The following PRDM15 variants were observed in gnomAD, a reference collection of about 807,000 sequenced individuals.
The protein encoded by PRDM15 is PR/SET domain 15.
Under a neutral mutation model 128.6 loss-of-function variants are expected in PRDM15, and 64 were observed. The ratio of observed to expected loss-of-function variants is 0.50; its 90% confidence interval spans 0.41 to 0.61. The LOEUF is 0.61. Ranked by LOEUF, PRDM15 falls within the 20% of genes least tolerant of loss-of-function variation. The pLI is 0.00. For synonymous variants in PRDM15, 615 were observed against 621.8 expected, an observed-to-expected ratio of 0.99 and a Z score of 0.16; for missense variants, 1,242 against 1,569.1, an observed-to-expected ratio of 0.79 and a Z score of 3.52.
At chr21:41,835,777 G>A (rs577782982) in intron 10 of PRDM15, among the ~76,000 whole-genome samples, 13 of 112,970 alleles carry the variant, frequency 1.2e-4, no homozygotes, top group Non-Finnish European at 1.5e-4. Flanking sequence ...TTCCTGCTGC[G>A]CTTGTGGGCA....
At chr21:41,804,211 G>C (rs191095549) in intron 22 of PRDM15, among the ~76,000 whole-genome samples, 1 of 152,154 alleles carries the variant, frequency 6.6e-6, no homozygotes, top group African/African-American at 2.4e-5. Flanking sequence ...TGATCTGCCC[G>C]CCTTGGCCTC....
chr21:41,813,846 T>C (rs1311846672), intron 19 of PRDM15: 1 of 149,954 alleles, frequency 6.7e-6, no homozygotes, highest in African/African-American at 2.5e-5. Flanking sequence ...ACGCCTTGTG[T>C]TAGTGATTGT....
At chr21:41,857,938 G>A (rs2063687608) in intron 3 of PRDM15, among the ~76,000 whole-genome samples, 1 of 152,210 alleles carries the variant, frequency 6.6e-6, no homozygotes, top group Non-Finnish European at 1.5e-5. Context: ...TGGCGGGGCT[G>A]TGCACTGAAG....
intron 6 of PRDM15, among the ~76,000 whole-genome samples, chr21:41,843,293 T>C (rs1248907616): frequency 6.6e-6 from 1 of 152,206 alleles, no homozygotes; most frequent in African/African-American, 2.4e-5. Flanking sequence ...TAATGCTCGA[T>C]TTCTTTTCCT....
intron 17 of PRDM15, 70 bp from the exon 18 acceptor site, chr21:41,819,771 C>T: frequency 2.0e-6 from 3 of 1,533,486 alleles, no homozygotes; most frequent in Non-Finnish European, 1.7e-6. Context: ...AGAGGATGCA[C>T]CAAGGAGAGG....
rs775854238 is a variant in PRDM15 at position 41,860,228 on chromosome 21, T to C, written c.37+99A>G. The C allele has an allele frequency of 5.1e-5, 43 of 846,002 alleles. No individual in the cohort carries two copies. In the Admixed American group the frequency reaches 5.2e-4, roughly 10 times the overall value. The allele number at this position is 846,002 out of a possible 1,614,324, so 52.4% of individuals were successfully genotyped here. On this transcript the variant is annotated intron_variant, in intron 2 of 23. Coordinates refer to ENST00000398548, the MANE Select transcript of PRDM15 (RefSeq NM_001040424.3). ...GCTTTTCTATATTATAAAAACCAAA[T>C]GTAGACGTGGCTTTGCCCAGACAGC...
In PRDM15 at chr21:41,832,576, T is replaced by C. The variant is rs113852680; in HGVS notation, c.1366+2861A>G. On this transcript the variant is annotated intron_variant, in intron 11 of 23. Transcript: ENST00000398548. This position sits in a 1 kb window ranked among gnomAD's most constrained non-coding sequence, Gnocchi z 4.2. ...CACACTCCCCTCAACCTGGGCCTCCTGAACAGCATAGGTGAGCCTCCCTCC... is the reference window on the plus strand; with the variant it reads ...CACACTCCCCTCAACCTGGGCCTCCCGAACAGCATAGGTGAGCCTCCCTCC... Among the ~76,000 whole-genome samples the C allele has an allele frequency of 0.068, 10,416 of 152,200 alleles. 452 individuals are homozygous for C. The highest frequency in any genetic ancestry group is 0.12 in the Middle Eastern group (35 of 294).
intron 1 of PRDM15, among the ~76,000 whole-genome samples, chr21:41,867,587 C>T (rs1023842371): frequency 6.6e-6 from 1 of 152,152 alleles, no homozygotes; most frequent in African/African-American, 2.4e-5. Context: ...GGAGTACAGC[C>T]GTTGTGCCCA....
Position 41,860,316 on chromosome 21 carries a change from G to C in PRDM15, c.37+11C>G. 6.2e-7 allele frequency: 1 copy of C among 1,612,268 alleles called. No individual in the cohort carries two copies. The highest frequency in any genetic ancestry group is 1.1e-5 in the South Asian group (1 of 91,030). ...GGTCTCGGACCTGGGACAGGTCCCT[G>C]GGTCACTTACAGATGAACATGATCT... is the stretch of plus-strand genomic sequence containing the variant. On this transcript the variant is annotated intron_variant, in intron 2 of 23. Transcript: ENST00000398548.
intron 1 of PRDM15, among the ~76,000 whole-genome samples, chr21:41,861,366 C>T (rs992514035): frequency 1.4e-4 from 21 of 152,160 alleles, no homozygotes; most frequent in Admixed American, 1.1e-3. Flanking sequence ...CATAAACTGA[C>T]ACCCCCCACA....
rs192497038 is a variant in PRDM15 at position 41,805,033 on chromosome 21, G to A, written c.2653-419C>T. 2.6e-5 allele frequency among the ~76,000 whole-genome samples: 4 copies of A among 152,322 alleles called. No individual in the cohort carries two copies. The East Asian group carries it at 5.8e-4, about 22-fold the overall frequency. On this transcript the variant is annotated intron_variant, in intron 21 of 23. Coordinates refer to ENST00000398548, the MANE Select transcript of PRDM15 (RefSeq NM_001040424.3). ...ATGAGACATTTGTGCCTTACACATC[G>A]TACTTTTCAGTTGAATCCATACACA... is the stretch of plus-strand genomic sequence containing the variant.
intron 11 of PRDM15, among the ~76,000 whole-genome samples, chr21:41,829,575 C>T (rs1371899787): frequency 2.7e-5 from 4 of 150,898 alleles, no homozygotes; most frequent in Non-Finnish European, 4.4e-5. Flanking sequence ...AACCCACAAA[C>T]AGACATTCAA....
At chr21:41,845,515 T>C (rs535226866) in intron 6 of PRDM15, among the ~76,000 whole-genome samples, 9 of 151,774 alleles carry the variant, frequency 5.9e-5, no homozygotes, top group Non-Finnish European at 1.3e-4. Context: ...TCCGGTAATC[T>C]GGGTGGCAGA....
rs772415948 is a variant in PRDM15 at position 41,823,453 on chromosome 21, T to C, written c.1630-4A>G. 1.9e-6 allele frequency: 3 copies of C among 1,549,696 alleles called. No homozygotes were observed. In the African/African-American group the frequency reaches 4.1e-5, roughly 21 times the overall value. On this transcript the variant is annotated splice_polypyrimidine_tract_variant and splice_region_variant and intron_variant, in intron 13 of 23. Coordinates refer to ENST00000398548, the MANE Select transcript of PRDM15 (RefSeq NM_001040424.3). ...TATTGCTCCGGCAGGAGAACACCTG[T>C]GGCAGAGGAGCCGCATGGTGAGGGG...
chr21:41,809,521 G>A (rs1283241541), intron 21 of PRDM15, among the ~76,000 whole-genome samples: 3 of 152,126 alleles, frequency 2.0e-5, no homozygotes, highest in African/African-American at 2.4e-5. Context: ...ATGAGCCACC[G>A]TGCCCGGCCC....
At chr21:41,814,920 C>A (rs2061995274) in intron 19 of PRDM15, 1 of 133,958 alleles carries the variant, frequency 7.5e-6, no homozygotes, top group Non-Finnish European at 1.5e-5. Flanking sequence ...TTTATAAGAT[C>A]TTGGCCTTGT....
In PRDM15 at chr21:41,800,954, C is replaced by CT; in HGVS notation, c.*285dup. ...ACCCTGTGTCGGGCGAACACTGGTTCTGTAAGGGGAGGCAGATGCGGCCCC... is the reference window on the plus strand; with the variant it reads ...ACCCTGTGTCGGGCGAACACTGGTTCTTGTAAGGGGAGGCAGATGCGGCCCC... On this transcript the variant is annotated 3_prime_UTR_variant, in exon 24 of 24. Transcript: ENST00000398548. 2.7e-6 allele frequency: 1 copy of CT among 368,558 alleles called. No homozygotes were observed. The highest frequency in any genetic ancestry group is 4.8e-6 in the Non-Finnish European group (1 of 206,820). The allele number at this position is 368,558 out of a possible 1,614,324, so 22.8% of individuals were successfully genotyped here. A position where few individuals can be genotyped will look rare whatever the true frequency, so the allele number is the denominator to read the frequency against.
rs1304174008 is a variant in PRDM15, at chr21:41,828,886, C to T, written c.1367-553G>A. Among the ~76,000 whole-genome samples the T allele has an allele frequency of 1.3e-5, 2 of 152,038 alleles. No individual in the cohort carries two copies. Among genetic ancestry groups the T allele is most frequent in the Non-Finnish European group, 2.9e-5 (2 of 68,012 alleles). ...CTTCACCCAAATCCTCCTCAGCACA[C>T]ACACAATCACACACCACACAAATAC... On this transcript the variant is annotated intron_variant, in intron 11 of 23. Coordinates refer to ENST00000398548, the MANE Select transcript of PRDM15 (RefSeq NM_001040424.3). The surrounding 1 kb of genome is among the most constrained non-coding windows in gnomAD (Gnocchi z 5.7).
At chr21:41,847,697 G>A (rs2146718403) in intron 5 of PRDM15, among the ~76,000 whole-genome samples, 1 of 152,232 alleles carries the variant, frequency 6.6e-6, no homozygotes, top group East Asian at 1.9e-4. Context: ...GTGCTCCACA[G>A]CTGGTATCCA....
Sources: allele counts gnomAD v4.1 joint callset (sites outside exome capture counted in the v4.1 genomes callset), GRCh38; gene constraint gnomAD v4.1.1; non-coding constraint Gnocchi (gnomAD v3.1); transcripts MANE v1.5; gene names NCBI Gene and HGNC (gene_info 2026-07-23, HGNC 2026-07-21).